The following RSU1 variants were observed in gnomAD, a reference collection of about 807,000 sequenced individuals.
RSU1 encodes the protein rsu-1.
RSU1 carries 26 observed loss-of-function variants against 31.1 expected under a neutral mutation model. The observed-to-expected ratio is 0.84, with a 90% CI of 0.61 to 1.16. The LOEUF is 1.16. Ranked by LOEUF, RSU1 falls within the 50% of genes most tolerant of loss-of-function variation. The pLI is 0.00. For missense variants in RSU1, 320 were observed against 339.1 expected (o/e 0.94, Z 0.44); for synonymous variants, 164 against 136.3 (o/e 1.20, Z -1.41).
chr10:16,753,839 C>A (rs1035689739), intron 5 of RSU1, among the ~76,000 whole-genome samples: 1 of 152,010 alleles, frequency 6.6e-6, no homozygotes, highest in Non-Finnish European at 1.5e-5. Context: ...GTCACTGCAG[C>A]CTCAAACTCC....
intron 8 of RSU1, among the ~76,000 whole-genome samples, chr10:16,664,810 C>A (rs148673746): frequency 0.018 from 2,764 of 152,312 alleles, 60 homozygotes; most frequent in East Asian, 0.076. Context: ...AAATAAACTT[C>A]TCTTTACCAT....
intron 8 of RSU1, among the ~76,000 whole-genome samples, chr10:16,651,266 T>A (rs1311287948): frequency 6.6e-6 from 1 of 152,240 alleles, no homozygotes; most frequent in East Asian, 1.9e-4. Context: ...GTTTCTAGGT[T>A]AAAAGGTGTT....
rs1017848294 is a variant in RSU1, at chr10:16,639,651, G to A, written c.732-46155C>T. Among the ~76,000 whole-genome samples, 17 of 152,238 alleles carry A rather than the reference G, an allele frequency of 1.1e-4. No homozygotes were observed. The East Asian group carries it at 1.4e-3, about 12-fold the overall frequency. On this transcript the variant is annotated intron_variant, in intron 8 of 8. Transcript: ENST00000345264. ...TGATGAGAGCACAGAGCTGAGACTC[G>A]GGCATGAAATTTTATTGCCAAAGAC...
intron 8 of RSU1, among the ~76,000 whole-genome samples, chr10:16,635,363 T>C (rs1834328441): frequency 6.6e-6 from 1 of 152,216 alleles, no homozygotes; most frequent in African/African-American, 2.4e-5. Flanking sequence ...AAAACTCTAA[T>C]ATGATAATAC....
rs548103005 is a variant in RSU1 at position 16,799,812 on chromosome 10, C to T, written c.109+17161G>A. On this transcript the variant is annotated intron_variant, in intron 2 of 8. Coordinates refer to ENST00000345264, the MANE Select transcript of RSU1 (RefSeq NM_012425.4). ...ATACCCAACTCCAGCCCGCTCACAC[C>T]TTCCTGTCTCAATTTGGTAGCCGGG... Among the ~76,000 whole-genome samples the T allele has an allele frequency of 3.3e-5, 5 of 152,264 alleles. No individual in the cohort carries two copies. In the South Asian group the frequency reaches 8.3e-4, roughly 25 times the overall value.
At chr10:16,772,811 T>C (rs1837450326) in intron 3 of RSU1, among the ~76,000 whole-genome samples, 1 of 152,168 alleles carries the variant, frequency 6.6e-6, no homozygotes, top group African/African-American at 2.4e-5. Flanking sequence ...TTATTAACAT[T>C]ACAAGGTAGA....
intron 2 of RSU1, among the ~76,000 whole-genome samples, chr10:16,788,211 C>T (rs1385625926): frequency 6.6e-6 from 1 of 152,328 alleles, no homozygotes; most frequent in East Asian, 1.9e-4. Flanking sequence ...AGGAGTTACA[C>T]AAAACAGGAG....
intron 4 of RSU1, among the ~76,000 whole-genome samples, chr10:16,760,784 A>G (rs963458582): frequency 6.6e-6 from 1 of 152,126 alleles, no homozygotes; most frequent in African/African-American, 2.4e-5. Context: ...CACCTGGGAC[A>G]TGAAGCTCGT....
At chr10:16,663,556 A>G (rs1329957438) in intron 8 of RSU1, among the ~76,000 whole-genome samples, 1 of 152,186 alleles carries the variant, frequency 6.6e-6, no homozygotes, top group African/African-American at 2.4e-5. Context: ...TATCTCTGCC[A>G]TTATACAGTG....
chr10:16,625,677 C>T (rs917556628), intron 8 of RSU1, among the ~76,000 whole-genome samples: 2 of 152,158 alleles, frequency 1.3e-5, no homozygotes, highest in East Asian at 1.9e-4. Context: ...AAATTATTTG[C>T]TCACCTTACT....
intron 8 of RSU1, among the ~76,000 whole-genome samples, chr10:16,676,526 G>T (rs1307985504): frequency 6.6e-6 from 1 of 152,122 alleles, no homozygotes; most frequent in Non-Finnish European, 1.5e-5. Context: ...ATGAGATTTG[G>T]GTGGGGACAC....
intron 8 of RSU1, among the ~76,000 whole-genome samples, chr10:16,674,634 G>A (rs978826665): frequency 4.6e-5 from 7 of 152,172 alleles, no homozygotes; most frequent in East Asian, 3.9e-4. Context: ...TGGGTGGTGG[G>A]CGATGGGGTC....
Position 16,591,489 on chromosome 10 carries a change from C to T in RSU1, c.*1905G>A, listed in dbSNP as rs748402288. 6.6e-6 allele frequency: 1 copy of T among 152,174 alleles called. No individual in the cohort carries two copies. Among genetic ancestry groups the T allele is most frequent in the Non-Finnish European group, 1.5e-5 (1 of 68,044 alleles). 9.4% of individuals were successfully genotyped at this position (152,174 alleles called of 1,614,324 possible). ...CCTTTCTGGAGCGAAATTTATATTC[C>T]CAGTAGCCATGTGAAAGAATGTTTA... On this transcript the variant is annotated 3_prime_UTR_variant, in exon 9 of 9. Transcript: ENST00000345264.
At chr10:16,644,133 A>G (rs905161769) in intron 8 of RSU1, among the ~76,000 whole-genome samples, 5 of 151,984 alleles carry the variant, frequency 3.3e-5, no homozygotes, top group East Asian at 1.9e-4. Context: ...CCAATCCCCT[A>G]TGGTTACTGA....
At chr10:16,737,951 G>A (rs1045625404) in intron 7 of RSU1, among the ~76,000 whole-genome samples, 1 of 152,114 alleles carries the variant, frequency 6.6e-6, no homozygotes, top group Non-Finnish European at 1.5e-5. Flanking sequence ...TTTTGATCAG[G>A]ACATAATTTA....
chr10:16,814,451 G>GAAAAA lies in RSU1; in HGVS notation c.109+2517_109+2521dup, dbSNP rs369214166. ...TGACAGAGCGAGACCCTGTTTTCAG[G>GAAAAA]AAAAAAAAAAAAAAAAAGAAAAAAA... On this transcript the variant is annotated intron_variant, in intron 2 of 8. Transcript: ENST00000345264. Among the ~76,000 whole-genome samples the GAAAAA allele has an allele frequency of 2.0e-3, 241 of 121,130 alleles. 3 individuals carry two copies. The highest frequency in any genetic ancestry group is 2.8e-3 in the South Asian group (10 of 3,552). 79.5% of individuals were successfully genotyped at this position (121,130 alleles called of 152,430 possible). A position where few individuals can be genotyped will look rare whatever the true frequency, so the allele number is the denominator to read the frequency against.
intron 8 of RSU1, among the ~76,000 whole-genome samples, chr10:16,663,835 G>T (rs544398965): frequency 1.7e-4 from 26 of 152,304 alleles, no homozygotes; most frequent in African/African-American, 6.0e-4. Flanking sequence ...TGCTGTAAAT[G>T]AGATGAAATC....
At chr10:16,664,272 T>C (rs1834945912) in intron 8 of RSU1, among the ~76,000 whole-genome samples, 1 of 152,198 alleles carries the variant, frequency 6.6e-6, no homozygotes, top group African/African-American at 2.4e-5. Context: ...AAACGACCAC[T>C]ATCGTCCCAA....
intron 2 of RSU1, among the ~76,000 whole-genome samples, chr10:16,807,109 A>T (rs1238635641): frequency 1.3e-5 from 2 of 152,196 alleles, no homozygotes; most frequent in Admixed American, 1.3e-4. Context: ...TGTTAAGAAC[A>T]CCAAGTTACA....
Sources: allele counts gnomAD v4.1 joint callset (sites outside exome capture counted in the v4.1 genomes callset), GRCh38; gene constraint gnomAD v4.1.1; transcripts MANE v1.5; gene names NCBI Gene and HGNC (gene_info 2026-07-23, HGNC 2026-07-21).